The following THAP4 variants were observed in gnomAD, a reference collection of about 807,000 sequenced individuals.
The protein encoded by THAP4 is peroxynitrite isomerase THAP4.
Under a neutral mutation model 48.1 loss-of-function variants are expected in THAP4, and 18 were observed. The observed-to-expected ratio is 0.37, with a 90% CI of 0.26 to 0.56. THAP4 has a LOEUF of 0.56. THAP4 is among the 20% of genes least tolerant of loss of function. THAP4 has a pLI of 0.78. For missense variants in THAP4, 656 were observed against 774.9 expected (o/e 0.85, Z 1.82); for synonymous variants, 345 against 324.9 (o/e 1.06, Z -0.66).
chr2:241,585,537 C>G (rs1233926131), intron 5 of THAP4, among the ~76,000 whole-genome samples: 1 of 152,080 alleles, frequency 6.6e-6, no homozygotes. Context: ...AGAGAACCAC[C>G]AAGTCAGCGA....
intron 3 of THAP4, among the ~76,000 whole-genome samples, chr2:241,603,290 G>A (rs568398644): frequency 6.1e-5 from 7 of 115,288 alleles, no homozygotes; most frequent in Admixed American, 1.8e-4. Flanking sequence ...TTCCAGCCAC[G>A]CCCACACACC....
intron 2 of THAP4, among the ~76,000 whole-genome samples, chr2:241,628,519 T>G (rs1348083047): frequency 6.6e-6 from 1 of 151,894 alleles, no homozygotes; most frequent in Non-Finnish European, 1.5e-5. Context: ...GGCCTGCTGA[T>G]CTTTTGCCTC....
rs1293382300 is a variant in THAP4 at position 241,610,755 on chromosome 2, G to C, written c.1241-4282C>G. On this transcript the variant is annotated intron_variant, in intron 2 of 5. Coordinates refer to ENST00000407315, the MANE Select transcript of THAP4 (RefSeq NM_015963.6). This position sits in a 1 kb window ranked among gnomAD's most constrained non-coding sequence, Gnocchi z 4.2. The stretch of plus-strand genomic sequence containing the variant: ...ATCCAGCGCTCCTCAGAGGGGACCG[G>C]AGAGGAGGCGCTCCTTAAATGGGGA... Among the ~76,000 whole-genome samples the C allele has an allele frequency of 1.3e-5, 2 of 152,130 alleles. No individual in the cohort carries two copies. Among genetic ancestry groups the C allele is most frequent in the Non-Finnish European group, 2.9e-5 (2 of 68,030 alleles).
intron 5 of THAP4, among the ~76,000 whole-genome samples, chr2:241,587,860 A>T (rs577884006): frequency 2.0e-5 from 3 of 152,076 alleles, no homozygotes; most frequent in Non-Finnish European, 4.4e-5. Flanking sequence ...GGTTGCAGTG[A>T]GCCAAGATTG....
intron 3 of THAP4, among the ~76,000 whole-genome samples, chr2:241,603,815 AAGAC>A (rs1174960590): frequency 2.6e-5 from 4 of 152,134 alleles, no homozygotes; most frequent in Non-Finnish European, 2.9e-5. Context: ...TCAACAGTAA[AAGAC>A]AGGCACCTGC....
upstream of THAP4, chr2:241,637,191 C>CGCCCCA (rs1430079665): frequency 2.9e-4 from 290 of 987,138 alleles, 3 homozygotes; most frequent in African/African-American, 4.3e-3. Context: ...GGCCCGCCCC[C>CGCCCCA]GCCCCAGCCC....
chr2:241,590,848 A>C (rs34515253), intron 5 of THAP4, among the ~76,000 whole-genome samples: 3 of 18,670 alleles, frequency 1.6e-4, no homozygotes, highest in Admixed American at 5.3e-4. Flanking sequence ...GGCTGACGAT[A>C]ATGGGCACTA....
intron 3 of THAP4, among the ~76,000 whole-genome samples, chr2:241,603,812 T>C (rs1303823500): frequency 6.6e-6 from 1 of 152,138 alleles, no homozygotes; most frequent in Admixed American, 6.5e-5. Flanking sequence ...TTCTCAACAG[T>C]AAAAGACAGG....
chr2:241,621,579 T>C (rs1323913982), intron 2 of THAP4, among the ~76,000 whole-genome samples: 1 of 150,732 alleles, frequency 6.6e-6, no homozygotes, highest in Non-Finnish European at 1.5e-5. Context: ...GATATGTCAA[T>C]AGAAACTTCC....
At chr2:241,588,102 T>A (rs1266736953) in intron 5 of THAP4, among the ~76,000 whole-genome samples, 2 of 151,898 alleles carry the variant, frequency 1.3e-5, no homozygotes, top group Non-Finnish European at 2.9e-5. Context: ...TGAATGAATT[T>A]AACAAAGTCA....
chr2:241,635,561 A>G (rs1206489711), intron 1 of THAP4, among the ~76,000 whole-genome samples: 1 of 152,118 alleles, frequency 6.6e-6, no homozygotes, highest in African/African-American at 2.4e-5. Context: ...TTGAGGCCAG[A>G]GTTCGAGACC....
intron 2 of THAP4, among the ~76,000 whole-genome samples, chr2:241,624,357 C>T (rs1051698940): frequency 2.6e-5 from 4 of 151,900 alleles, no homozygotes; most frequent in South Asian, 2.1e-4. Context: ...TGTGGTGGCG[C>T]GTGCCTGTAC....
intron 5 of THAP4, among the ~76,000 whole-genome samples, chr2:241,598,383 T>C (rs2067074713): frequency 6.6e-6 from 1 of 152,140 alleles, no homozygotes; most frequent in Non-Finnish European, 1.5e-5. Context: ...CAATGATGTC[T>C]AAAAACAACA....
intron 5 of THAP4, among the ~76,000 whole-genome samples, chr2:241,588,440 T>C (rs1444041918): frequency 6.6e-6 from 1 of 152,154 alleles, no homozygotes; most frequent in African/African-American, 2.4e-5. Context: ...CTGAAATTCA[T>C]AAGGAAATGC....
chr2:241,594,231 T>TG (rs1201076415), intron 5 of THAP4, among the ~76,000 whole-genome samples: 2 of 152,176 alleles, frequency 1.3e-5, no homozygotes, highest in African/African-American at 4.8e-5. Flanking sequence ...AGCCAGGGGT[T>TG]GGGGGAGATG....
chr2:241,634,432 C>G (rs2067611540), intron 1 of THAP4, among the ~76,000 whole-genome samples: 1 of 152,200 alleles, frequency 6.6e-6, no homozygotes, highest in Non-Finnish European at 1.5e-5. Flanking sequence ...CTCCTAGAAG[C>G]TGACTGCTAA....
At chr2:241,622,325 G>A (rs1242082907) in intron 2 of THAP4, among the ~76,000 whole-genome samples, 2 of 152,066 alleles carry the variant, frequency 1.3e-5, no homozygotes, top group African/African-American at 4.8e-5. Flanking sequence ...AGATGATCAC[G>A]CCACTGCACC....
intron 2 of THAP4, among the ~76,000 whole-genome samples, chr2:241,613,665 G>A (rs911370453): frequency 6.6e-6 from 1 of 152,154 alleles, no homozygotes; most frequent in East Asian, 1.9e-4. Context: ...TGAGGTGGGA[G>A]GATCGCTTGG....
At chr2:241,607,617 G>A (rs1183394795) in intron 2 of THAP4, among the ~76,000 whole-genome samples, 17 of 151,002 alleles carry the variant, frequency 1.1e-4, no homozygotes, top group Admixed American at 8.6e-4. Context: ...CTCATCTACG[G>A]AGCCCAAAGA....
Sources: gnomAD v4.1 joint callset for allele counts (sites outside exome capture counted in the v4.1 genomes callset) on GRCh38, gnomAD v4.1.1 for gene constraint, Gnocchi (gnomAD v3.1) non-coding constraint, MANE v1.5 for transcripts, NCBI Gene and HGNC (gene_info 2026-07-23, HGNC 2026-07-21) for gene names.